Variants in FBN2 observed in about 807,000 individuals in gnomAD.
FBN2 encodes fibrillin-2.
In FBN2, 105 loss-of-function variants were observed where a neutral mutation model predicts 355.6. That is an observed-to-expected ratio of 0.30 (90% CI 0.25 to 0.35). FBN2 has a LOEUF of 0.35. FBN2 is among the 10% of genes least tolerant of loss of function. The pLI, the probability that FBN2 is intolerant of heterozygous loss-of-function variation, is 1.00. For missense variants in FBN2, 3,280 were observed against 3,758.7 expected (o/e 0.87, Z 3.33); for synonymous variants, 1,350 against 1,301.2 (o/e 1.04, Z -0.81).
rs914283591 is a variant in FBN2 at position 128,320,806 on chromosome 5, AC to A, written c.4472-1806del. Among the ~76,000 whole-genome samples, 115 of 152,352 alleles carry A rather than the reference AC, an allele frequency of 7.5e-4. 1 individual carries two copies. Among genetic ancestry groups the A allele is most frequent in the African/African-American group, 2.0e-3 (83 of 41,590 alleles). On this transcript the variant is annotated intron_variant, in intron 34 of 64. Coordinates refer to ENST00000262464, the MANE Select transcript of FBN2 (RefSeq NM_001999.4). ...ACCATCATCTCAACAGTTTTAAAAT[AC>A]TTTTCTAATGTTAAGAATAAAAAAC...
intron 26 of FBN2, among the ~76,000 whole-genome samples, chr5:128,338,634 G>A (rs912057629): frequency 2.0e-5 from 3 of 152,160 alleles, no homozygotes; most frequent in African/African-American, 4.8e-5. Flanking sequence ...GCCACCACAC[G>A]ATGCCATGCA....
In FBN2 at chr5:128,382,271, C is replaced by T. The variant is rs533644030; in HGVS notation, c.1604-3381G>A. Among the ~76,000 whole-genome samples, 7 of 152,212 alleles carry T rather than the reference C, an allele frequency of 4.6e-5. No individual in the cohort carries two copies. In the South Asian group the frequency reaches 8.3e-4, roughly 18 times the overall value. The stretch of plus-strand genomic sequence containing the variant: ...GCATTTAACACCTAACACTACTTTT[C>T]TCTTGAAAGTGTGCCCTTCCCTAAC... On this transcript the variant is annotated intron_variant, in intron 11 of 64. Coordinates refer to ENST00000262464, the MANE Select transcript of FBN2 (RefSeq NM_001999.4).
At chr5:128,413,269 GA>G (rs1310012058) in intron 7 of FBN2, among the ~76,000 whole-genome samples, 2 of 152,130 alleles carry the variant, frequency 1.3e-5, no homozygotes, top group Non-Finnish European at 2.9e-5. Flanking sequence ...GAAAAGACTG[GA>G]ATTGAAGGAG....
At chr5:128,297,575 C>T (rs1256667822) in intron 48 of FBN2, among the ~76,000 whole-genome samples, 2 of 152,094 alleles carry the variant, frequency 1.3e-5, no homozygotes, top group African/African-American at 4.8e-5. Context: ...TGAATTGATC[C>T]CTTACCATTA....
intron 5 of FBN2, among the ~76,000 whole-genome samples, chr5:128,512,216 A>G (rs1291414248): frequency 1.3e-5 from 2 of 152,180 alleles, no homozygotes; most frequent in Non-Finnish European, 2.9e-5. Flanking sequence ...AATTTTATCT[A>G]AGACAGCATA....
At chr5:128,337,038 G>A (rs1750859618) in intron 27 of FBN2, among the ~76,000 whole-genome samples, 1 of 151,986 alleles carries the variant, frequency 6.6e-6, no homozygotes, top group African/African-American at 2.4e-5. Flanking sequence ...TAAGATCCAC[G>A]AAAACTAAAT....
chr5:128,491,327 G>C (rs1755498508), intron 5 of FBN2, among the ~76,000 whole-genome samples: 1 of 152,212 alleles, frequency 6.6e-6, no homozygotes, highest in South Asian at 2.1e-4. Flanking sequence ...AACGCAATAA[G>C]AGCTTTTTAG....
At chr5:128,380,606 A>G (rs574672274) in intron 11 of FBN2, among the ~76,000 whole-genome samples, 3 of 152,232 alleles carry the variant, frequency 2.0e-5, no homozygotes, top group Admixed American at 2.0e-4. Flanking sequence ...AGAAGATGTA[A>G]TCGTTCACTT....
chr5:128,350,685 G>A (rs1211511381), intron 21 of FBN2, among the ~76,000 whole-genome samples, 183 bp downstream of exon 21: 1 of 152,242 alleles, frequency 6.6e-6, no homozygotes, highest in South Asian at 2.1e-4. Flanking sequence ...GCCTGCTTAT[G>A]TACCAGGATA....
At chr5:128,502,186 A>G (rs1205067405) in intron 5 of FBN2, among the ~76,000 whole-genome samples, 1 of 152,100 alleles carries the variant, frequency 6.6e-6, no homozygotes. Flanking sequence ...AAAAAGGTAC[A>G]AACAGCTCAA....
At chr5:128,421,614 T>C (rs1461871015) in intron 7 of FBN2, among the ~76,000 whole-genome samples, 1 of 152,072 alleles carries the variant, frequency 6.6e-6, no homozygotes, top group Non-Finnish European at 1.5e-5. Context: ...AAACCATCAA[T>C]GTGGATAAAA....
At position 128,464,864 on chromosome 5, in the gene FBN2, A is replaced by G; in HGVS notation, c.686T>C (p.Leu229Pro). The change falls in exon 6 of 65, where the codon CTG becomes CCG. Residue 229 changes from leucine (L) to proline (P), a missense_variant. Leu to Pro is a moderately conservative substitution (Grantham distance 98). Around this residue, in one of 6 missense-constraint regions of FBN2, gnomAD observed 130 missense variants for 189.9 expected, o/e 0.68. Coordinates refer to ENST00000262464, the MANE Select transcript of FBN2 (RefSeq NM_001999.4). Reference protein sequence around the residue: ...QVNNQMCQGQLTGIVCTKTLC... With the variant: ...QVNNQMCQGQPTGIVCTKTLC... ...AGTCTTCGTGCAGACAATGCCTGTC[A>G]GCTGCCCTTGGCACATCTGGTTGTT... 1 of 1,614,262 alleles carries G rather than the reference A, an allele frequency of 6.2e-7. No individual in the cohort carries two copies. Among genetic ancestry groups the G allele is most frequent in the East Asian group, 2.2e-5 (1 of 44,886 alleles).
chr5:128,307,000 C>G (rs1178899304), intron 42 of FBN2, 135 bp downstream of exon 42: 9 of 668,848 alleles, frequency 1.3e-5, no homozygotes, highest in Non-Finnish European at 2.4e-5. Context: ...TGTTATTTCT[C>G]TCTTATCTAA....
chr5:128,259,558 T>C lies in FBN2; in HGVS notation c.8636A>G (p.Lys2879Arg). 1 of 1,614,034 alleles carries C rather than the reference T, an allele frequency of 6.2e-7. No individual in the cohort carries two copies. Among genetic ancestry groups the C allele is most frequent in the Non-Finnish European group, 8.5e-7 (1 of 1,180,004 alleles). The change falls in exon 65 of 65, where the codon AAG becomes AGG. Residue 2879 changes from lysine to arginine, a missense_variant. Lys to Arg is a conservative substitution (Grantham distance 26). Coordinates refer to ENST00000262464, the MANE Select transcript of FBN2 (RefSeq NM_001999.4). ...TTCCAGTTTCTTAAGCTCCTTCTTCTTGTAGAGAGGGATGCTAGTGATTTC... is the reference window on the plus strand; with the variant it reads ...TTCCAGTTTCTTAAGCTCCTTCTTCCTGTAGAGAGGGATGCTAGTGATTTC... The part of the protein sequence containing the change: ...TLEITSIPLY[K>R]KKELKKLEES...
intron 5 of FBN2, among the ~76,000 whole-genome samples, chr5:128,480,512 A>G (rs956804699): frequency 1.3e-5 from 2 of 152,144 alleles, no homozygotes; most frequent in Admixed American, 1.3e-4. Context: ...CATGAGATAA[A>G]ACTCTCAAGT....
chr5:128,345,513 G>C lies in FBN2; in HGVS notation c.3061C>G (p.Arg1021Gly), dbSNP rs541842635. 1 of 1,614,104 alleles carries C rather than the reference G, an allele frequency of 6.2e-7. No homozygotes were observed. Among genetic ancestry groups the C allele is most frequent in the South Asian group, 1.1e-5 (1 of 91,070 alleles). ...ECIHPVPGKFRMDACCCAVGA... is the reference protein window; with the variant it reads ...ECIHPVPGKFGMDACCCAVGA... ...ACAGCACAGCAGCAGGCATCCATGC[G>C]GAACTTTCCAGGAACGGGGTGGATG... The change falls in exon 24 of 65, where the codon CGC becomes GGC. Residue 1021 changes from arginine (R) to glycine (G), a missense_variant. Physicochemically the swap from Arg to Gly is moderately radical, Grantham distance 125. Around this residue, in one of 6 missense-constraint regions of FBN2, gnomAD observed 2,284 missense variants for 2,749.5 expected, o/e 0.83. Coordinates refer to ENST00000262464, the MANE Select transcript of FBN2 (RefSeq NM_001999.4).
intron 11 of FBN2, among the ~76,000 whole-genome samples, chr5:128,381,342 G>T (rs184415420): frequency 1.5e-3 from 233 of 152,178 alleles, no homozygotes; most frequent in African/African-American, 5.3e-3. Flanking sequence ...CTTTGTCACT[G>T]ATCCTTTAAT....
intron 6 of FBN2, among the ~76,000 whole-genome samples, chr5:128,454,958 G>C (rs1182371832): frequency 6.6e-6 from 1 of 152,104 alleles, no homozygotes; most frequent in Non-Finnish European, 1.5e-5. Flanking sequence ...ATTTGAAGTA[G>C]TTTAAAAGCC....
At chr5:128,412,385 C>T (rs564671499) in intron 7 of FBN2, among the ~76,000 whole-genome samples, 4 of 152,170 alleles carry the variant, frequency 2.6e-5, no homozygotes, top group Non-Finnish European at 5.9e-5. Flanking sequence ...GTGCTCTCTC[C>T]TGAGAGGAAG....
Sources: allele counts gnomAD v4.1 joint callset (sites outside exome capture counted in the v4.1 genomes callset), GRCh38; gene constraint gnomAD v4.1.1; regional missense constraint gnomAD v4.1.1; transcripts MANE v1.5; gene names NCBI Gene and HGNC (gene_info 2026-07-23, HGNC 2026-07-21).